The following PPARGC1A variants were observed in gnomAD, a reference collection of about 807,000 sequenced individuals.
PPARGC1A encodes peroxisome proliferator-activated receptor gamma coactivator 1-alpha.
A neutral mutation model predicts 88.7 loss-of-function variants in PPARGC1A; 25 were observed. The ratio of observed to expected loss-of-function variants is 0.28; its 90% CI spans 0.21 to 0.39. PPARGC1A has a LOEUF of 0.39. PPARGC1A is among the 10% of genes least tolerant of loss of function. The pLI, the probability that PPARGC1A is intolerant of heterozygous loss-of-function variation, is 1.00. For synonymous variants in PPARGC1A, 363 were observed against 355.6 expected (o/e 1.02, Z -0.24); for missense variants, 880 against 968.7 (o/e 0.91, Z 1.22).
the PPARGC1A span, among the ~76,000 whole-genome samples, chr4:24,360,140 T>G: frequency 6.6e-6 from 1 of 152,118 alleles, no homozygotes; most frequent in Non-Finnish European, 1.5e-5. Flanking sequence ...TGCCACTCAT[T>G]TCAGCCACAT....
chr4:24,268,897 T>C, the PPARGC1A span, among the ~76,000 whole-genome samples: 1 of 152,360 alleles, frequency 6.6e-6, no homozygotes, highest in Middle Eastern at 3.4e-3. Context: ...TATCGAGTAC[T>C]GTTGTAAGAA....
the PPARGC1A span, among the ~76,000 whole-genome samples, chr4:24,012,529 T>C: frequency 2.0e-5 from 3 of 152,228 alleles, no homozygotes; most frequent in Middle Eastern, 6.8e-3. Flanking sequence ...GTCTATCTCG[T>C]GCCAACCTGC....
chr4:24,156,985 G>T, the PPARGC1A span, among the ~76,000 whole-genome samples: 1 of 152,000 alleles, frequency 6.6e-6, no homozygotes, highest in Non-Finnish European at 1.5e-5. Context: ...TCGCTACTTT[G>T]ATACAAGACA....
At chr4:24,471,827 C>T in the PPARGC1A span, among the ~76,000 whole-genome samples, 1 of 152,280 alleles carries the variant, frequency 6.6e-6, no homozygotes, top group East Asian at 1.9e-4. The surrounding 1 kb of genome is among the most constrained non-coding windows in gnomAD (Gnocchi z 5.4). Context: ...ACTCTGCACC[C>T]CACCCCCCCC....
chr4:23,842,561 A>G (rs1560422467), intron 2 of PPARGC1A, among the ~76,000 whole-genome samples: 1 of 152,220 alleles, frequency 6.6e-6, no homozygotes, highest in South Asian at 2.1e-4. Context: ...CACTGTTGAC[A>G]TATTAAGCCA....
the PPARGC1A span, among the ~76,000 whole-genome samples, chr4:24,005,547 G>C: frequency 6.6e-6 from 1 of 152,044 alleles, no homozygotes; most frequent in Non-Finnish European, 1.5e-5. Flanking sequence ...TACTTCTCTG[G>C]CTCCAAGATC....
the PPARGC1A span, among the ~76,000 whole-genome samples, chr4:24,095,785 C>T: frequency 6.6e-6 from 1 of 152,176 alleles, no homozygotes; most frequent in African/African-American, 2.4e-5. Flanking sequence ...AGGGCTGCTT[C>T]TCTGGAGGGT....
chr4:24,415,491 G>A, the PPARGC1A span, among the ~76,000 whole-genome samples: 1 of 152,108 alleles, frequency 6.6e-6, no homozygotes, highest in Non-Finnish European at 1.5e-5. Context: ...CTAGTCTTGT[G>A]ACCTTTCTTC....
At chr4:24,065,319 C>A in the PPARGC1A span, among the ~76,000 whole-genome samples, 2 of 152,066 alleles carry the variant, frequency 1.3e-5, no homozygotes, top group Non-Finnish European at 2.9e-5. Context: ...TCCCTTCCCC[C>A]ACAGAACTAC....
chr4:24,319,279 C>T, the PPARGC1A span, among the ~76,000 whole-genome samples: 1 of 152,100 alleles, frequency 6.6e-6, no homozygotes, highest in Non-Finnish European at 1.5e-5. Context: ...GTGTTCGAGG[C>T]TACAATGAGC....
At chr4:24,182,687 A>C in the PPARGC1A span, among the ~76,000 whole-genome samples, 3 of 152,302 alleles carry the variant, frequency 2.0e-5, no homozygotes, top group East Asian at 5.8e-4. Flanking sequence ...GATAATCGCC[A>C]TTCTAACTGG....
At chr4:24,056,626 A>G in the PPARGC1A span, among the ~76,000 whole-genome samples, 1 of 152,282 alleles carries the variant, frequency 6.6e-6, no homozygotes, top group Non-Finnish European at 1.5e-5. Context: ...CTTGAATAAA[A>G]CCAGCTGTGC....
chr4:24,132,401 C>T, the PPARGC1A span, among the ~76,000 whole-genome samples: 33 of 152,212 alleles, frequency 2.2e-4, no homozygotes, highest in Admixed American at 9.2e-4. Context: ...CCTAGAGTCC[C>T]GGTGACTTTG....
chr4:23,832,584 A>C (rs961278797), intron 2 of PPARGC1A, among the ~76,000 whole-genome samples: 2 of 149,810 alleles, frequency 1.3e-5, no homozygotes, highest in East Asian at 1.9e-4. Context: ...ATTCCAGTGC[A>C]CTATTATTTC....
chr4:23,922,254 G>T, the PPARGC1A span, among the ~76,000 whole-genome samples: 1 of 152,166 alleles, frequency 6.6e-6, no homozygotes, highest in Non-Finnish European at 1.5e-5. Flanking sequence ...AAAGTCTATT[G>T]CTTAGCTTTG....
chr4:24,014,419 A>T, the PPARGC1A span, among the ~76,000 whole-genome samples: 1 of 152,190 alleles, frequency 6.6e-6, no homozygotes, highest in Non-Finnish European at 1.5e-5. Flanking sequence ...TCATTGCATC[A>T]CTAATCATCA....
chr4:24,384,007 A>G, the PPARGC1A span, among the ~76,000 whole-genome samples: 2 of 152,226 alleles, frequency 1.3e-5, no homozygotes, highest in Non-Finnish European at 2.9e-5. Context: ...ATAGAAGCCC[A>G]TCAGACTAAC....
the PPARGC1A span, among the ~76,000 whole-genome samples, chr4:24,144,218 A>G: frequency 6.6e-6 from 1 of 152,248 alleles, no homozygotes; most frequent in East Asian, 1.9e-4. Context: ...AGCAAATAGA[A>G]TGGACAGATG....
the PPARGC1A span, among the ~76,000 whole-genome samples, chr4:24,050,555 T>C: frequency 1.3e-5 from 2 of 152,098 alleles, no homozygotes; most frequent in Admixed American, 6.5e-5. Context: ...TCTAAGCTCC[T>C]CCTGTCTGTA....
Sources: gnomAD v4.1 joint callset for allele counts (sites outside exome capture counted in the v4.1 genomes callset) on GRCh38, gnomAD v4.1.1 for gene constraint, Gnocchi (gnomAD v3.1) non-coding constraint, MANE v1.5 for transcripts, NCBI Gene and HGNC (gene_info 2026-07-23, HGNC 2026-07-21) for gene names.